The following TLR4 variants were observed in gnomAD, a reference collection of about 807,000 sequenced individuals.
TLR4 encodes the protein toll-like receptor 4.
TLR4 carries 17 observed loss-of-function variants against 27.4 expected under a neutral mutation model. The observed-to-expected ratio is 0.62, with a 90% CI of 0.42 to 0.93. The LOEUF (loss-of-function observed/expected upper bound fraction) is 0.93. Among genes scored for constraint, TLR4 ranks in the 40% least tolerant of loss-of-function variants. The pLI, the probability that TLR4 is intolerant of heterozygous loss-of-function variation, is 0.00. For missense variants in TLR4, 926 were observed against 962.3 expected (o/e 0.96, Z 0.50); for synonymous variants, 363 against 365.7 (o/e 0.99, Z 0.08).
At position 117,715,130 on chromosome 9, in the gene TLR4, C is replaced by T. The variant is rs1336075416; in HGVS notation, c.*482C>T. ...CAAGGGGCTCCTGATGCAAGATGCC[C>T]CTTCCATTTTAAGTCTGTCTCCTTA... On this transcript the variant is annotated 3_prime_UTR_variant, in exon 3 of 3. Coordinates refer to ENST00000355622, the MANE Select transcript of TLR4 (RefSeq NM_138554.5). The T allele has an allele frequency of 5.5e-6, 1 of 181,982 alleles. No homozygotes were observed. The highest frequency in any genetic ancestry group is 2.4e-5 in the African/African-American group (1 of 41,910). The allele number at this position is 181,982 out of a possible 1,614,324, so 11.3% of individuals were successfully genotyped here.
chr9:117,714,917 C>A lies in TLR4; in HGVS notation c.*269C>A. ...ACAAAGAAAGTCATTTCAACTCTTACCTCATCAAGTTGAATAAAGACAGAG... is the reference window on the plus strand; with the variant it reads ...ACAAAGAAAGTCATTTCAACTCTTAACTCATCAAGTTGAATAAAGACAGAG... On this transcript the variant is annotated 3_prime_UTR_variant, in exon 3 of 3. Transcript: ENST00000355622. 1 of 508,606 alleles carries A rather than the reference C, an allele frequency of 2.0e-6. No homozygotes were observed. The allele number at this position is 508,606 out of a possible 1,614,324, so 31.5% of individuals were successfully genotyped here.
At position 117,713,841 on chromosome 9, in the gene TLR4, A is replaced by C; in HGVS notation, c.1713A>C (p.Leu571=). 1 of 1,614,060 alleles carries C rather than the reference A, an allele frequency of 6.2e-7. No homozygotes were observed. Among genetic ancestry groups the C allele is most frequent in the Non-Finnish European group, 8.5e-7 (1 of 1,180,020 alleles). ...AACTACAGCATTTTCCAAGTAGTCT[A>C]GCTTTCTTAAATCTTACTCAGAATG... ...KQELQHFPSS[L]AFLNLTQNDF... is the part of the protein sequence containing the mutation. The change falls in exon 3 of 3, where the codon CTA becomes CTC. Residue 571 remains leucine (L), a synonymous_variant. Coordinates refer to ENST00000355622, the MANE Select transcript of TLR4 (RefSeq NM_138554.5).
In TLR4 at chr9:117,717,981, G is replaced by A. The variant is rs1726102089; in HGVS notation, c.*3333G>A. On this transcript the variant is annotated 3_prime_UTR_variant, in exon 3 of 3. Transcript: ENST00000355622. ...TCCTCTGGATTTAAGAGGGATAAAG[G>A]GTGGAATAAGGATAAATTAATGCCA... 1 of 152,150 alleles carries A rather than the reference G, an allele frequency of 6.6e-6. No individual in the cohort carries two copies. The allele number at this position is 152,150 out of a possible 1,614,324, so 9.4% of individuals were successfully genotyped here.
intron 2 of TLR4, among the ~76,000 whole-genome samples, chr9:117,710,451 C>CTT (rs879344711): frequency 2.8e-5 from 4 of 145,160 alleles, no homozygotes; most frequent in South Asian, 4.3e-4. Context: ...CCACCTCTCC[C>CTT]TTTTTTTTTT....
chr9:117,706,644 C>T (rs2131162739), intron 1 of TLR4, among the ~76,000 whole-genome samples: 2 of 152,322 alleles, frequency 1.3e-5, no homozygotes, highest in Middle Eastern at 6.8e-3. Flanking sequence ...ACGTTGTCCT[C>T]TCCTTAGGAC....
chr9:117,708,973 T>G, intron 2 of TLR4: 2 of 472,634 alleles, frequency 4.2e-6, no homozygotes, highest in Non-Finnish European at 7.6e-6. Flanking sequence ...AATTTTAGGT[T>G]TTCTTTTAAG....
Position 117,716,613 on chromosome 9 carries a change from A to G in TLR4, c.*1965A>G, listed in dbSNP as rs950608109. 2.0e-5 allele frequency: 3 copies of G among 152,204 alleles called. No individual in the cohort carries two copies. The highest frequency in any genetic ancestry group is 7.2e-5 in the African/African-American group (3 of 41,470). 9.4% of individuals were successfully genotyped at this position (152,204 alleles called of 1,614,324 possible). On this transcript the variant is annotated 3_prime_UTR_variant, in exon 3 of 3. Transcript: ENST00000355622. ...TGTCTAATTGGTATAAAATTATAGT[A>G]TGCAAGATGAATTAGCTCTAAAGAT...
rs775821556 is a variant in TLR4 at position 117,712,785 on chromosome 9, A to T, written c.657A>T (p.Gln219His). The T allele has an allele frequency of 6.2e-7, 1 of 1,613,908 alleles. No individual in the cohort carries two copies. Among genetic ancestry groups the T allele is most frequent in the African/African-American group, 1.3e-5 (1 of 74,914 alleles). Residue 219 changes from glutamine (Q) to histidine (H), a missense_variant, in exon 3 of 3, where the codon CAA (glutamine) becomes CAT (histidine). Transcript: ENST00000355622. ...DLSLNPMNFI[Q>H]PGAFKEIRLH... ...CCCTGAACCCTATGAACTTTATCCA[A>T]CCAGGTGCATTTAAAGAAATTAGGC...
At chr9:117,711,481 A>C (rs1829230163) in intron 2 of TLR4, among the ~76,000 whole-genome samples, 3 of 152,166 alleles carry the variant, frequency 2.0e-5, no homozygotes, top group African/African-American at 7.2e-5. Flanking sequence ...TAAAATTCAA[A>C]ACCCTTTATC....
At chr9:117,704,593 A>C (rs745663330) in intron 1 of TLR4, 28 bp downstream of exon 1, 1 of 1,587,288 alleles carries the variant, frequency 6.3e-7, no homozygotes, top group Non-Finnish European at 8.6e-7. Context: ...GCTCCTCTGA[A>C]CTTTCCCTCA....
chr9:117,721,501 TAAAATG>T lies in TLR4; in HGVS notation c.*6854_*6859del, dbSNP rs1333617264. On this transcript the variant is annotated 3_prime_UTR_variant, in exon 3 of 3. Coordinates refer to ENST00000355622, the MANE Select transcript of TLR4 (RefSeq NM_138554.5). ...GCTGATTTTATTTCAATACAACGAT[TAAAATG>T]GAAACCATATATGAAGATGACAAAG... 1 of 152,222 alleles carries T rather than the reference TAAAATG, an allele frequency of 6.6e-6. No individual in the cohort carries two copies. Among genetic ancestry groups the T allele is most frequent in the African/African-American group, 2.4e-5 (1 of 41,462 alleles). 9.4% of individuals were successfully genotyped at this position (152,222 alleles called of 1,614,324 possible).
chr9:117,713,520 T>G lies in TLR4; in HGVS notation c.1392T>G (p.Asn464Lys), dbSNP rs368504750. 2 of 1,614,054 alleles carry G rather than the reference T, an allele frequency of 1.2e-6. No homozygotes were observed. Among genetic ancestry groups the G allele is most frequent in the African/African-American group, 2.7e-5 (2 of 74,948 alleles). The change falls in exon 3 of 3, where the codon AAT becomes AAG. Residue 464 changes from asparagine (N) to lysine (K), a missense_variant. Coordinates refer to ENST00000355622, the MANE Select transcript of TLR4 (RefSeq NM_138554.5). The part of the protein sequence containing the change: ...ISHTHTRVAF[N>K]GIFNGLSSLE... ...ATACTCACACCAGAGTTGCTTTCAA[T>G]GGCATCTTCAATGGCTTGTCCAGTC...
rs1829439648 is a variant in TLR4, at chr9:117,723,015, G to T, written c.*8367G>T. On this transcript the variant is annotated 3_prime_UTR_variant, in exon 3 of 3. Coordinates refer to ENST00000355622, the MANE Select transcript of TLR4 (RefSeq NM_138554.5). ...ATGCAGATTTGGAAAAATTTTGAAG[G>T]TGTCACAAGAAAGATTGGCAGTCAG... is the stretch of plus-strand genomic sequence containing the variant. 2 of 152,284 alleles carry T rather than the reference G, an allele frequency of 1.3e-5. No individual in the cohort carries two copies. The highest frequency in any genetic ancestry group is 4.1e-4 in the South Asian group (2 of 4,830). 9.4% of individuals were successfully genotyped at this position (152,284 alleles called of 1,614,324 possible).
chr9:117,707,435 T>C (rs1829153085), intron 1 of TLR4, among the ~76,000 whole-genome samples: 1 of 152,218 alleles, frequency 6.6e-6, no homozygotes, highest in Non-Finnish European at 1.5e-5. Flanking sequence ...TTGACATCTA[T>C]TGATCACTTA....
chr9:117,717,059 T>C lies in TLR4; in HGVS notation c.*2411T>C, dbSNP rs11536891. 0.16 allele frequency: 24,636 copies of C among 152,116 alleles called. 2,123 individuals carry two copies. The highest frequency in any genetic ancestry group is 0.22 in the African/African-American group (8,949 of 41,486). The allele number at this position is 152,116 out of a possible 1,614,324, so 9.4% of individuals were successfully genotyped here. ...TCATGTACTAGTGAAAGTAGATGTG[T>C]GCATTTGTGCACATATCCCTATGTA... On this transcript the variant is annotated 3_prime_UTR_variant, in exon 3 of 3. Coordinates refer to ENST00000355622, the MANE Select transcript of TLR4 (RefSeq NM_138554.5).
Position 117,714,692 on chromosome 9 carries a change from G to A in TLR4, c.*44G>A, listed in dbSNP as rs771353195. ...TCCTGAGGCATTTCTTGCCCAGCTGGGTCCAACACTTGTTCAGTTAATAAG... is the reference window on the plus strand; with the variant it reads ...TCCTGAGGCATTTCTTGCCCAGCTGAGTCCAACACTTGTTCAGTTAATAAG... On this transcript the variant is annotated 3_prime_UTR_variant, in exon 3 of 3. Coordinates refer to ENST00000355622, the MANE Select transcript of TLR4 (RefSeq NM_138554.5). The A allele has an allele frequency of 3.2e-6, 5 of 1,548,330 alleles. No homozygotes were observed. The highest frequency in any genetic ancestry group is 3.3e-5 in the Admixed American group (2 of 59,824).
Position 117,712,983 on chromosome 9 carries a change from T to C in TLR4, c.855T>C (p.Ile285=), listed in dbSNP as rs1829263515. ...SALEGLCNLT[I]EEFRLAYLDY... ...TAGAGGGCCTGTGCAATTTGACCAT[T>C]GAAGAATTCCGATTAGCATACTTAG... is the stretch of plus-strand genomic sequence containing the variant. The change falls in exon 3 of 3, where the codon ATT becomes ATC. Residue 285 remains isoleucine (I), a synonymous_variant. Coordinates refer to ENST00000355622, the MANE Select transcript of TLR4 (RefSeq NM_138554.5). 6.2e-7 allele frequency: 1 copy of C among 1,614,004 alleles called. No homozygotes were observed. The highest frequency in any genetic ancestry group is 1.7e-5 in the Admixed American group (1 of 59,988).
chr9:117,715,402 ACT>A lies in TLR4; in HGVS notation c.*757_*758del, dbSNP rs1194710025. ...TTTTCAAGGAAGTATGGAAAAGTAC[ACT>A]CTGTCACTTTGTCACTCGATGTCAT... On this transcript the variant is annotated 3_prime_UTR_variant, in exon 3 of 3. Transcript: ENST00000355622. 6.6e-6 allele frequency: 1 copy of A among 152,146 alleles called. No homozygotes were observed. Among genetic ancestry groups the A allele is most frequent in the Non-Finnish European group, 1.5e-5 (1 of 68,042 alleles). 9.4% of individuals were successfully genotyped at this position (152,146 alleles called of 1,614,324 possible). A position where few individuals can be genotyped will look rare whatever the true frequency, so the allele number is the denominator to read the frequency against.
In TLR4 at chr9:117,714,125, A is replaced by C. The variant is rs1829296401; in HGVS notation, c.1997A>C (p.Lys666Thr). ...CTGATGCTTCTTGCTGGCTGCATAA[A>C]GTATGGTAGAGGTGAAAACATCTAT... ...FHLMLLAGCIKYGRGENIYDA... is the reference protein window; with the variant it reads ...FHLMLLAGCITYGRGENIYDA... Residue 666 changes from lysine to threonine, a missense_variant, in exon 3 of 3, where the codon AAG becomes ACG. Coordinates refer to ENST00000355622, the MANE Select transcript of TLR4 (RefSeq NM_138554.5). 1 of 1,614,110 alleles carries C rather than the reference A, an allele frequency of 6.2e-7. No individual in the cohort carries two copies. The highest frequency in any genetic ancestry group is 1.3e-5 in the African/African-American group (1 of 75,050).
Sources: gnomAD v4.1 joint callset for allele counts (sites outside exome capture counted in the v4.1 genomes callset) on GRCh38, gnomAD v4.1.1 for gene constraint, MANE v1.5 for transcripts, NCBI Gene and HGNC (gene_info 2026-07-23, HGNC 2026-07-21) for gene names.